The following COLQ variants were observed in gnomAD, a reference collection of about 807,000 sequenced individuals.
The protein encoded by COLQ is acetylcholinesterase collagenic tail peptide.
A neutral mutation model predicts 69.0 loss-of-function variants in COLQ; 48 were observed. The observed-to-expected ratio is 0.70, with a 90% CI of 0.55 to 0.88. COLQ has a LOEUF of 0.88. Ranked by LOEUF, COLQ falls within the 40% of genes least tolerant of loss-of-function variation. The probability of loss-of-function intolerance (pLI) is 0.00; values close to 1 mark genes in which losing one functional copy is unlikely to be tolerated. For missense variants in COLQ, 618 were observed against 594.6 expected, an observed-to-expected ratio of 1.04 and a Z score of -0.41; for synonymous variants, 217 against 211.2, an observed-to-expected ratio of 1.03 and a Z score of -0.24.
chr3:15,487,243 A>G (rs2062589316), intron 3 of COLQ, among the ~76,000 whole-genome samples: 1 of 152,222 alleles, frequency 6.6e-6, no homozygotes, highest in Admixed American at 6.5e-5. Flanking sequence ...CTGAGTCCTG[A>G]GTGGCCAACA....
intron 1 of COLQ, chr3:15,498,469 C>CCACA (rs60324043): frequency 0.094 from 133,091 of 1,415,538 alleles, 2,683 homozygotes; most frequent in East Asian, 0.29. Flanking sequence ...GCATGTGCAT[C>CCACA]CACACACACA....
chr3:15,471,023 T>C (rs2062278198), intron 10 of COLQ, among the ~76,000 whole-genome samples: 1 of 152,238 alleles, frequency 6.6e-6, no homozygotes, highest in Non-Finnish European at 1.5e-5. Flanking sequence ...ATGTTGTGTT[T>C]TCTTACGTGC....
intron 1 of COLQ, among the ~76,000 whole-genome samples, chr3:15,497,129 C>T (rs1003014422): frequency 9.3e-5 from 14 of 151,212 alleles, no homozygotes; most frequent in African/African-American, 2.4e-4. Context: ...CTGCAACCTC[C>T]GCCTCCAGGG....
intron 1 of COLQ, chr3:15,498,873 G>A: frequency 7.3e-7 from 1 of 1,371,464 alleles, no homozygotes; most frequent in Non-Finnish European, 9.4e-7. Flanking sequence ...GGGAGGATAT[G>A]AGGTTGGGAG....
chr3:15,456,118 G>A (rs1350550011), intron 14 of COLQ, 99 bp from the exon 15 acceptor site: 3 of 1,398,712 alleles, frequency 2.1e-6, no homozygotes, highest in South Asian at 1.2e-5. Flanking sequence ...CTGCTGGGGG[G>A]CATGCCTTGA....
At chr3:15,489,296 A>G (rs1411957585) in intron 2 of COLQ, among the ~76,000 whole-genome samples, 1 of 152,226 alleles carries the variant, frequency 6.6e-6, no homozygotes, top group Non-Finnish European at 1.5e-5. Flanking sequence ...ATTCCTGCTA[A>G]GAAGAATCTC....
At chr3:15,454,538 C>T (rs568811236) in intron 15 of COLQ, among the ~76,000 whole-genome samples, 1 of 152,182 alleles carries the variant, frequency 6.6e-6, no homozygotes, top group Non-Finnish European at 1.5e-5. Context: ...TGGGCAGGGC[C>T]AGCCTTCTAG....
chr3:15,488,115 T>C (rs1185900064), intron 3 of COLQ, 91 bp downstream of exon 3: 5 of 928,856 alleles, frequency 5.4e-6, no homozygotes, highest in South Asian at 4.3e-5. Flanking sequence ...TTGTATCACA[T>C]GAGAAAGAGC....
At chr3:15,502,439 A>G (rs12635023) in intron 1 of COLQ, among the ~76,000 whole-genome samples, 21,074 of 151,156 alleles carry the variant, frequency 0.14, 1,983 homozygotes, top group East Asian at 0.44. Context: ...TTTTTTAAAC[A>G]AAGTCTCCCT....
chr3:15,453,793 A>G (rs1327408090), intron 16 of COLQ, 36 bp downstream of exon 16: 3 of 1,341,518 alleles, frequency 2.2e-6, no homozygotes, highest in Non-Finnish European at 3.2e-6. Flanking sequence ...GGAGGGAGAA[A>G]GAAGGGGGAG....
chr3:15,479,193 C>A, intron 4 of COLQ, 145 bp downstream of exon 4: 1 of 1,113,700 alleles, frequency 9.0e-7, no homozygotes, highest in Non-Finnish European at 1.4e-6. Flanking sequence ...GCTGCAGCAG[C>A]CCAGCCATCA....
At chr3:15,510,469 G>A (rs573426298) in intron 1 of COLQ, among the ~76,000 whole-genome samples, 20 of 138,368 alleles carry the variant, frequency 1.4e-4, no homozygotes, top group South Asian at 4.7e-4. Context: ...AGCACTTTGG[G>A]AAGCCAAGGC....
At chr3:15,475,509 A>T in intron 6 of COLQ, 22 bp from the exon 7 acceptor site, 1 of 1,575,340 alleles carries the variant, frequency 6.3e-7, no homozygotes, top group Non-Finnish European at 8.6e-7. Flanking sequence ...AGAAGAAGAA[A>T]AGACCCACGG....
chr3:15,469,945 A>G (rs2062254888), intron 11 of COLQ, among the ~76,000 whole-genome samples: 1 of 152,256 alleles, frequency 6.6e-6, no homozygotes, highest in African/African-American at 2.4e-5. Flanking sequence ...AGGATTATAT[A>G]TGAGACAGCT....
intron 15 of COLQ, among the ~76,000 whole-genome samples, chr3:15,454,937 AT>A (rs2062004740): frequency 1.3e-5 from 2 of 151,718 alleles, no homozygotes; most frequent in African/African-American, 4.8e-5. Flanking sequence ...AAGTGTTGAG[AT>A]TACAGGCATG....
chr3:15,495,915 C>G (rs1011483846), intron 1 of COLQ, among the ~76,000 whole-genome samples: 9 of 152,170 alleles, frequency 5.9e-5, no homozygotes, highest in African/African-American at 1.9e-4. Flanking sequence ...TCCTTTGCTT[C>G]TCTTTTGCCT....
At chr3:15,465,232 TTTGATTTATTTATTTA>T (rs1302042151) in intron 12 of COLQ, among the ~76,000 whole-genome samples, 42 of 141,590 alleles carry the variant, frequency 3.0e-4, no homozygotes, top group Non-Finnish European at 3.6e-4. Flanking sequence ...GACTTTATAT[TTTGATTTATTTATTTA>T]TTTATTTATT....
chr3:15,451,748 C>G (rs376916730), intron 16 of COLQ, 35 bp from the exon 17 acceptor site: 2 of 1,566,868 alleles, frequency 1.3e-6, no homozygotes, highest in Non-Finnish European at 1.8e-6. Flanking sequence ...AAAAGGCCAC[C>G]TCTTATATGC....
intron 1 of COLQ, among the ~76,000 whole-genome samples, chr3:15,502,840 T>C (rs2062850740): frequency 1.3e-5 from 2 of 152,210 alleles, no homozygotes; most frequent in Non-Finnish European, 2.9e-5. Context: ...CTGCGCTGCA[T>C]ACTTGCAGAC....
Sources: allele counts gnomAD v4.1 joint callset (sites outside exome capture counted in the v4.1 genomes callset), GRCh38; gene constraint gnomAD v4.1.1; transcripts MANE v1.5; gene names NCBI Gene and HGNC (gene_info 2026-07-23, HGNC 2026-07-21).